Variants in CMSS1 observed in about 807,000 individuals in gnomAD.
CMSS1 encodes protein CMSS1.
In CMSS1, 33 loss-of-function variants were observed where a neutral mutation model predicts 43.5. The observed-to-expected ratio is 0.76, with a 90% CI of 0.57 to 1.01. The LOEUF (loss-of-function observed/expected upper bound fraction) is 1.01. CMSS1 is among the 50% of genes least tolerant of loss of function. The pLI, the probability that CMSS1 is intolerant of heterozygous loss-of-function variation, is 0.00. For missense variants in CMSS1, 313 were observed against 326.4 expected (o/e 0.96, Z 0.32); for synonymous variants, 115 against 117.2 (o/e 0.98, Z 0.12).
rs1707148198 is a variant in CMSS1, at chr3:99,922,221, C to T, written c.64+104178C>T. Among the ~76,000 whole-genome samples, 3 of 152,160 alleles carry T rather than the reference C, an allele frequency of 2.0e-5. 1 individual carries two copies. ...AGTGTCTGTGTTCAGCAAGTTAGTG[C>T]CAAATAAGTATGGAGGCCAAATGAG... On this transcript the variant is annotated intron_variant, in intron 1 of 9. Coordinates refer to ENST00000421999, the MANE Select transcript of CMSS1 (RefSeq NM_032359.4).
At chr3:100,067,378 C>A (rs1559746167) in intron 1 of CMSS1, among the ~76,000 whole-genome samples, 1 of 152,138 alleles carries the variant, frequency 6.6e-6, no homozygotes, top group Admixed American at 6.6e-5. Context: ...TAACTAAGCA[C>A]CCTGGTGAAG....
chr3:100,055,949 G>A (rs1420532047), intron 1 of CMSS1, among the ~76,000 whole-genome samples: 2 of 152,140 alleles, frequency 1.3e-5, no homozygotes, highest in African/African-American at 2.4e-5. Flanking sequence ...TTGTATTATA[G>A]ATAACACTTG....
At chr3:99,862,330 G>A (rs2107558659) in intron 1 of CMSS1, among the ~76,000 whole-genome samples, 1 of 152,274 alleles carries the variant, frequency 6.6e-6, no homozygotes, top group Non-Finnish European at 1.5e-5. Context: ...CCTAAAGTAG[G>A]GGTCAGCTGG....
intron 1 of CMSS1, chr3:99,924,343 T>C (rs1340302684): frequency 6.2e-7 from 1 of 1,614,146 alleles, no homozygotes; most frequent in Non-Finnish European, 8.5e-7. Context: ...GGGATTTTTC[T>C]GCCACTAAAA....
At chr3:99,922,870 T>A (rs1259129600) in intron 1 of CMSS1, among the ~76,000 whole-genome samples, 1 of 152,196 alleles carries the variant, frequency 6.6e-6, no homozygotes, top group Non-Finnish European at 1.5e-5. Flanking sequence ...ACATTCTTAT[T>A]TCTTATTTTG....
chr3:100,021,967 G>C (rs1392025571), intron 1 of CMSS1, among the ~76,000 whole-genome samples: 1 of 116,084 alleles, frequency 8.6e-6, no homozygotes, highest in Non-Finnish European at 1.9e-5. Flanking sequence ...GTGTGAGAGA[G>C]AGAGAGAGAG....
chr3:100,038,156 A>G (rs978824215), intron 1 of CMSS1, among the ~76,000 whole-genome samples: 14 of 152,042 alleles, frequency 9.2e-5, no homozygotes, highest in Non-Finnish European at 1.9e-4. Flanking sequence ...GAGTTTCACC[A>G]TACTGGCCAG....
At chr3:99,930,283 G>T (rs746263532) in intron 1 of CMSS1, among the ~76,000 whole-genome samples, 9 of 152,164 alleles carry the variant, frequency 5.9e-5, no homozygotes, top group South Asian at 2.1e-4. Flanking sequence ...TGTTTGACAA[G>T]CAGATATCAT....
At chr3:100,013,591 T>C (rs1277968915) in intron 1 of CMSS1, among the ~76,000 whole-genome samples, 1 of 152,172 alleles carries the variant, frequency 6.6e-6, no homozygotes, top group Non-Finnish European at 1.5e-5. Context: ...ATGTTTGAAA[T>C]TATATTTATA....
At chr3:100,070,694 C>T (rs1382277441) in intron 1 of CMSS1, among the ~76,000 whole-genome samples, 2 of 152,134 alleles carry the variant, frequency 1.3e-5, no homozygotes, top group Admixed American at 1.3e-4. Context: ...TGCAGTGGCG[C>T]AATCTCGGCT....
At chr3:100,172,185 G>A (rs2067115672) in intron 7 of CMSS1, 131 bp from the exon 8 acceptor site, 5 of 772,488 alleles carry the variant, frequency 6.5e-6, no homozygotes, top group Admixed American at 2.6e-5. Context: ...TGCCCTGGAA[G>A]TCGACCCTAC....
intron 1 of CMSS1, among the ~76,000 whole-genome samples, chr3:99,853,796 C>A (rs973736585): frequency 6.6e-6 from 1 of 152,176 alleles, no homozygotes; most frequent in Non-Finnish European, 1.5e-5. Context: ...CATGAGCGCA[C>A]CATAGGACAG....
chr3:100,045,899 C>CT (rs1320651011), intron 1 of CMSS1, among the ~76,000 whole-genome samples: 1 of 151,780 alleles, frequency 6.6e-6, no homozygotes, highest in Admixed American at 6.6e-5. Context: ...GTCCTTTCTG[C>CT]GCAGGGATGA....
chr3:99,864,142 ATTAT>A (rs1411436489), intron 1 of CMSS1, among the ~76,000 whole-genome samples: 4 of 152,216 alleles, frequency 2.6e-5, no homozygotes, highest in African/African-American at 9.6e-5. Flanking sequence ...TAACAGTAAG[ATTAT>A]TTGACTTATA....
chr3:99,840,139 C>G (rs1012479417), intron 1 of CMSS1, among the ~76,000 whole-genome samples: 1 of 151,654 alleles, frequency 6.6e-6, no homozygotes, highest in African/African-American at 2.4e-5. Flanking sequence ...CAGGCCAAAA[C>G]CATTAATAGT....
intron 2 of CMSS1, among the ~76,000 whole-genome samples, chr3:100,156,206 C>T (rs1337430851): frequency 6.6e-6 from 1 of 150,986 alleles, no homozygotes; most frequent in East Asian, 2.0e-4. Context: ...CTCACTGCAA[C>T]GTTGAACTCC....
chr3:99,837,019 T>C (rs1942927505), intron 1 of CMSS1, among the ~76,000 whole-genome samples: 1 of 152,212 alleles, frequency 6.6e-6, no homozygotes, highest in Non-Finnish European at 1.5e-5. Flanking sequence ...CCTAAAAAAA[T>C]AGTAATAATC....
At chr3:99,983,486 A>ATATATATATG (rs1709227610) in intron 1 of CMSS1, among the ~76,000 whole-genome samples, 1 of 23,562 alleles carries the variant, frequency 4.2e-5, no homozygotes, top group East Asian at 2.3e-3. Flanking sequence ...ATATATATAT[A>ATATATATATG]TATATATATA....
At chr3:99,975,713 C>A (rs1399611038) in intron 1 of CMSS1, among the ~76,000 whole-genome samples, 1 of 152,170 alleles carries the variant, frequency 6.6e-6, no homozygotes, top group Non-Finnish European at 1.5e-5. Context: ...AGGAAAGGGA[C>A]ATCTCAGCAA....
Sources: allele counts gnomAD v4.1 joint callset (sites outside exome capture counted in the v4.1 genomes callset), GRCh38; gene constraint gnomAD v4.1.1; transcripts MANE v1.5; gene names NCBI Gene and HGNC (gene_info 2026-07-23, HGNC 2026-07-21).